ARL15: variants seen among roughly 807,000 people sequenced by gnomAD.
The protein encoded by ARL15 is ADP-ribosylation factor-like protein 15.
Under a neutral mutation model 25.2 loss-of-function variants are expected in ARL15, and 19 were observed. The observed-to-expected ratio is 0.75, with a 90% CI of 0.53 to 1.10. The LOEUF (loss-of-function observed/expected upper bound fraction) is 1.10, where lower values mean the gene tolerates loss of function less well. Among genes scored for constraint, ARL15 ranks in the 50% least tolerant of loss-of-function variants. ARL15 has a pLI of 0.00. For synonymous variants in ARL15, 94 were observed against 86.8 expected (o/e 1.08, Z -0.46); for missense variants, 220 against 246.0 (o/e 0.89, Z 0.71).
chr5:54,132,589 A>G (rs1389923317), intron 3 of ARL15, among the ~76,000 whole-genome samples: 1 of 152,216 alleles, frequency 6.6e-6, no homozygotes, highest in Non-Finnish European at 1.5e-5. Flanking sequence ...CTTAAGTGAA[A>G]GTAAGTTTAT....
At chr5:54,028,357 C>T (rs1362998747) in intron 4 of ARL15, among the ~76,000 whole-genome samples, 1 of 152,064 alleles carries the variant, frequency 6.6e-6, no homozygotes, top group African/African-American at 2.4e-5. Context: ...ATTTTATAGT[C>T]CTTTCTTAAT....
chr5:54,102,181 T>A (rs1404288080), intron 4 of ARL15, among the ~76,000 whole-genome samples: 1 of 151,972 alleles, frequency 6.6e-6, no homozygotes, highest in Non-Finnish European at 1.5e-5. Context: ...CCCGGCTAAT[T>A]TTTGTATTTT....
chr5:54,225,444 T>C (rs1244513144), intron 1 of ARL15, among the ~76,000 whole-genome samples: 2 of 152,146 alleles, frequency 1.3e-5, no homozygotes, highest in Non-Finnish European at 2.9e-5. Context: ...CTTGCCGACT[T>C]GCAAGAAGAG....
At chr5:54,259,925 C>G (rs1757459295) in intron 1 of ARL15, among the ~76,000 whole-genome samples, 1 of 152,306 alleles carries the variant, frequency 6.6e-6, no homozygotes, top group Admixed American at 6.5e-5. Context: ...AGAATTTCCA[C>G]TACTTTTAGT....
At chr5:54,238,567 C>T (rs537334096) in intron 1 of ARL15, among the ~76,000 whole-genome samples, 1 of 152,232 alleles carries the variant, frequency 6.6e-6, no homozygotes, top group African/African-American at 2.4e-5. Context: ...GAATGAGTGG[C>T]TATCTCTAAA....
chr5:53,898,784 C>T (rs1032177261), intron 4 of ARL15, among the ~76,000 whole-genome samples: 4 of 151,714 alleles, frequency 2.6e-5, no homozygotes, highest in African/African-American at 4.8e-5. Flanking sequence ...TCCTGAGTAG[C>T]GAGGACCACA....
chr5:54,015,937 C>T (rs1286162863), intron 4 of ARL15, among the ~76,000 whole-genome samples: 1 of 152,182 alleles, frequency 6.6e-6, no homozygotes, highest in Non-Finnish European at 1.5e-5. Flanking sequence ...ACTTTATCTG[C>T]ATAATAATAC....
chr5:54,117,215 G>C (rs1399987399), intron 3 of ARL15, among the ~76,000 whole-genome samples: 1 of 152,134 alleles, frequency 6.6e-6, no homozygotes, highest in Non-Finnish European at 1.5e-5. Context: ...CAGGTATAAA[G>C]AGAATTTGGT....
intron 1 of ARL15, among the ~76,000 whole-genome samples, chr5:54,193,057 C>A (rs117134463): frequency 6.6e-6 from 1 of 152,184 alleles, no homozygotes; most frequent in Admixed American, 6.5e-5. Flanking sequence ...TCTGCTTCAA[C>A]GTCCTGCTCT....
chr5:53,886,647 G>T lies in ARL15; in HGVS notation c.529C>A (p.Leu177Met). The T allele has an allele frequency of 6.3e-7, 1 of 1,575,360 alleles. No individual in the cohort carries two copies. Among genetic ancestry groups the T allele is most frequent in the Non-Finnish European group, 8.6e-7 (1 of 1,158,812 alleles). Reference sequence around the variant, plus strand: ...TCTTTCAGTGCATCCATGTCATCCAGTGAGCAGGGCTGTAGAATCCAGCGT... The same window carrying T: ...TCTTTCAGTGCATCCATGTCATCCATTGAGCAGGGCTGTAGAATCCAGCGT... ...GKRWILQPCS[L>M]DDMDALKDSF... Residue 177 changes from leucine to methionine, a missense_variant, in exon 5 of 5, where the codon CTG becomes ATG. Coordinates refer to ENST00000504924, the MANE Select transcript of ARL15 (RefSeq NM_019087.3).
chr5:53,987,977 C>A (rs1748350947), intron 4 of ARL15, among the ~76,000 whole-genome samples: 2 of 152,116 alleles, frequency 1.3e-5, no homozygotes, highest in South Asian at 4.2e-4. Flanking sequence ...GTGGCGTGCG[C>A]CTGTAGTCCC....
intron 4 of ARL15, chr5:54,048,394 TATATATATATATA>T (rs1750595584): frequency 4.2e-5 from 4 of 95,692 alleles, no homozygotes; most frequent in African/African-American, 2.2e-4. Flanking sequence ...ATATATAAAT[TATATATATATATA>T]TTTTTTTTTT....
At chr5:53,914,955 C>T (rs1223229230) in intron 4 of ARL15, among the ~76,000 whole-genome samples, 1 of 152,182 alleles carries the variant, frequency 6.6e-6, no homozygotes, top group Non-Finnish European at 1.5e-5. Context: ...GAATTACAGG[C>T]ATGTGCCAGC....
rs557868036 is a variant in ARL15 at position 54,099,338 on chromosome 5, T to C, written c.462+13864A>G. ...GTGAAAATCACCAAAAGATTTGGTTTTCCTGGTTTCCTCATAACTAGAGAG... is the reference window on the plus strand; with the variant it reads ...GTGAAAATCACCAAAAGATTTGGTTCTCCTGGTTTCCTCATAACTAGAGAG... On this transcript the variant is annotated intron_variant, in intron 4 of 4. Transcript: ENST00000504924. Among the ~76,000 whole-genome samples the C allele has an allele frequency of 2.6e-5, 4 of 152,224 alleles. No individual in the cohort carries two copies. The South Asian group carries it at 8.3e-4, about 32-fold the overall frequency.
intron 1 of ARL15, among the ~76,000 whole-genome samples, chr5:54,265,543 A>C (rs1357176268): frequency 1.3e-5 from 2 of 152,228 alleles, no homozygotes; most frequent in Non-Finnish European, 2.9e-5. Context: ...TGAATGTATC[A>C]TAGTGATTCT....
At chr5:54,240,825 A>G (rs1756939645) in intron 1 of ARL15, among the ~76,000 whole-genome samples, 2 of 152,214 alleles carry the variant, frequency 1.3e-5, no homozygotes, top group African/African-American at 4.8e-5. Flanking sequence ...GAGCGTCAAC[A>G]TGACACTCAA....
At chr5:54,042,479 G>A (rs1008631900) in intron 4 of ARL15, among the ~76,000 whole-genome samples, 1 of 152,116 alleles carries the variant, frequency 6.6e-6, no homozygotes, top group African/African-American at 2.4e-5. Context: ...ATTACAGGTC[G>A]TGGAGTCTGG....
chr5:54,083,947 A>T (rs1437123668), intron 4 of ARL15, among the ~76,000 whole-genome samples: 1 of 152,230 alleles, frequency 6.6e-6, no homozygotes, highest in African/African-American at 2.4e-5. Context: ...AATTAATCAT[A>T]CAGAAAAGAA....
intron 4 of ARL15, among the ~76,000 whole-genome samples, chr5:53,939,912 AAAC>A (rs149253791): frequency 0.26 from 38,535 of 150,416 alleles, 5,581 homozygotes; most frequent in African/African-American, 0.39. Context: ...TATCCAGAAA[AAAC>A]AACAACAACA....
Sources: gnomAD v4.1 joint callset for allele counts (sites outside exome capture counted in the v4.1 genomes callset) on GRCh38, gnomAD v4.1.1 for gene constraint, MANE v1.5 for transcripts, NCBI Gene and HGNC (gene_info 2026-07-23, HGNC 2026-07-21) for gene names.